CNTNAP2: variants seen among roughly 807,000 people sequenced by gnomAD.
CNTNAP2 encodes the protein contactin associated protein 2.
In CNTNAP2, 98 loss-of-function variants were observed where a neutral mutation model predicts 155.2. That is an observed-to-expected ratio of 0.63 (90% confidence interval 0.54 to 0.75). The LOEUF (loss-of-function observed/expected upper bound fraction) is 0.75. CNTNAP2 is among the 30% of genes least tolerant of loss of function. The pLI is 0.00. For missense variants in CNTNAP2, 1,727 were observed against 1,688.1 expected (o/e 1.02, Z -0.40); for synonymous variants, 651 against 631.2 (o/e 1.03, Z -0.47).
chr7:147,820,482 G>A (rs1257465699), intron 13 of CNTNAP2, among the ~76,000 whole-genome samples: 4 of 151,992 alleles, frequency 2.6e-5, no homozygotes, highest in Non-Finnish European at 5.9e-5. Context: ...TATTTTCTTA[G>A]TGGTAATATG....
At chr7:146,853,431 T>C (rs1226501698) in intron 3 of CNTNAP2, among the ~76,000 whole-genome samples, 1 of 152,170 alleles carries the variant, frequency 6.6e-6, no homozygotes, top group African/African-American at 2.4e-5. Context: ...ACACTAACTA[T>C]TAATCTCCCC....
At chr7:147,151,853 C>G (rs1801833705) in intron 8 of CNTNAP2, among the ~76,000 whole-genome samples, 1 of 152,080 alleles carries the variant, frequency 6.6e-6, no homozygotes, top group Admixed American at 6.5e-5. Context: ...CAGCACAGAG[C>G]TGGGAAGAGC....
At position 146,576,625 on chromosome 7, in the gene CNTNAP2, T is replaced by C. The variant is rs941091716; in HGVS notation, c.98-197646T>C. Reference sequence around the variant, plus strand: ...CACCGTTTTGTCACCTTTCCTCTGATACAAGTGCTGATCAAGTTGGTAAAC... The same window carrying C: ...CACCGTTTTGTCACCTTTCCTCTGACACAAGTGCTGATCAAGTTGGTAAAC... On this transcript the variant is annotated intron_variant, in intron 1 of 23. Transcript: ENST00000361727. Among the ~76,000 whole-genome samples, 4 of 152,172 alleles carry C rather than the reference T, an allele frequency of 2.6e-5. No individual in the cohort carries two copies. In the East Asian group the frequency reaches 7.7e-4, roughly 29 times the overall value.
Position 147,343,763 on chromosome 7 carries a change from T to C in CNTNAP2, c.1498+43473T>C, listed in dbSNP as rs549195430. Among the ~76,000 whole-genome samples, 4 of 152,252 alleles carry C rather than the reference T, an allele frequency of 2.6e-5. No individual in the cohort carries two copies. The South Asian group carries it at 6.2e-4, about 24-fold the overall frequency. ...TGGGTGACATGACATTTCATTAATT[T>C]CCATTCACCAGGTTAATTCTCTATT... On this transcript the variant is annotated intron_variant, in intron 9 of 23. Coordinates refer to ENST00000361727, the MANE Select transcript of CNTNAP2 (RefSeq NM_014141.6).
chr7:147,095,305 G>A (rs1325896244), intron 4 of CNTNAP2, among the ~76,000 whole-genome samples: 3 of 151,394 alleles, frequency 2.0e-5, no homozygotes, highest in Non-Finnish European at 4.4e-5. Context: ...CAAAGTGCTG[G>A]GATTTCAGGC....
chr7:146,881,414 C>T lies in CNTNAP2; in HGVS notation c.402+41510C>T, dbSNP rs547311783. Among the ~76,000 whole-genome samples, 8 of 152,156 alleles carry T rather than the reference C, an allele frequency of 5.3e-5. No homozygotes were observed. In the South Asian group the frequency reaches 1.2e-3, roughly 24 times the overall value. ...ATACAGTATCTTATGGAAACCCAGA[C>T]ATCATAAGAAGTCCTACTTACAAAA... On this transcript the variant is annotated intron_variant, in intron 3 of 23. Coordinates refer to ENST00000361727, the MANE Select transcript of CNTNAP2 (RefSeq NM_014141.6).
At chr7:147,415,678 A>G (rs1210921657) in intron 10 of CNTNAP2, among the ~76,000 whole-genome samples, 1 of 152,214 alleles carries the variant, frequency 6.6e-6, no homozygotes, top group Non-Finnish European at 1.5e-5. Flanking sequence ...AAAAAAATGG[A>G]CCAATACACC....
chr7:148,198,351 C>T (rs73744772), intron 18 of CNTNAP2, among the ~76,000 whole-genome samples: 9 of 152,304 alleles, frequency 5.9e-5, no homozygotes, highest in African/African-American at 1.7e-4. Context: ...AGGTTGATGG[C>T]GATTGTGACC....
intron 3 of CNTNAP2, among the ~76,000 whole-genome samples, chr7:146,978,280 G>GTGGT (rs1563029483): frequency 1.3e-5 from 2 of 152,120 alleles, no homozygotes; most frequent in African/African-American, 4.8e-5. Context: ...AAGTGATAAG[G>GTGGT]TGGTTCAGTG....
At chr7:146,232,881 G>A (rs1228532170) in intron 1 of CNTNAP2, among the ~76,000 whole-genome samples, 1 of 152,116 alleles carries the variant, frequency 6.6e-6, no homozygotes, top group East Asian at 1.9e-4. Context: ...GGATACAAGA[G>A]TGAATATGGA....
chr7:147,052,379 C>T (rs906576896), intron 4 of CNTNAP2, among the ~76,000 whole-genome samples: 1 of 152,078 alleles, frequency 6.6e-6, no homozygotes, highest in Non-Finnish European at 1.5e-5. Flanking sequence ...AATGAACTGA[C>T]ATCAAATGTA....
At chr7:147,345,165 C>A (rs1390924239) in intron 9 of CNTNAP2, among the ~76,000 whole-genome samples, 1 of 152,010 alleles carries the variant, frequency 6.6e-6, no homozygotes, top group Non-Finnish European at 1.5e-5. Flanking sequence ...CATATTTACG[C>A]TGAATTATAA....
At chr7:148,353,377 A>T (rs1798461180) in intron 21 of CNTNAP2, among the ~76,000 whole-genome samples, 1 of 152,230 alleles carries the variant, frequency 6.6e-6, no homozygotes, top group Non-Finnish European at 1.5e-5. Context: ...ATTCCCCCCA[A>T]AACCTGGAAC....
chr7:147,388,651 G>A (rs1262822667), intron 9 of CNTNAP2, among the ~76,000 whole-genome samples: 1 of 151,842 alleles, frequency 6.6e-6, no homozygotes, highest in East Asian at 1.9e-4. Flanking sequence ...CGCAATCTTG[G>A]CTCACTGCAA....
intron 16 of CNTNAP2, among the ~76,000 whole-genome samples, chr7:148,123,369 C>T (rs1353028577): frequency 6.6e-6 from 1 of 152,142 alleles, no homozygotes; most frequent in Non-Finnish European, 1.5e-5. Context: ...GGGAGTATCA[C>T]TTGAGCCCAA....
At chr7:147,456,244 T>C (rs968283650) in intron 10 of CNTNAP2, among the ~76,000 whole-genome samples, 1 of 152,044 alleles carries the variant, frequency 6.6e-6, no homozygotes, top group Non-Finnish European at 1.5e-5. Context: ...ATATTGGAGA[T>C]CTATGACAAA....
At position 147,476,897 on chromosome 7, in the gene CNTNAP2, C is replaced by T. The variant is rs556655738; in HGVS notation, c.1671-9038C>T. 1.6e-3 allele frequency among the ~76,000 whole-genome samples: 240 copies of T among 149,364 alleles called. 2 individuals carry two copies. The highest frequency in any genetic ancestry group is 2.6e-3 in the African/African-American group (103 of 40,324). The stretch of plus-strand genomic sequence containing the variant: ...GAGCTGAGATCATCCCACTGCTCTC[C>T]GGCCTGGGTGACAGAGCGAGACTCT... On this transcript the variant is annotated intron_variant, in intron 10 of 23. Transcript: ENST00000361727.
chr7:146,639,862 T>G (rs1218687857), intron 1 of CNTNAP2, among the ~76,000 whole-genome samples: 1 of 152,224 alleles, frequency 6.6e-6, no homozygotes, highest in African/African-American at 2.4e-5. Context: ...AGCTAAGAAG[T>G]GGCAGAGTCC....
At chr7:146,572,767 C>T (rs1306987360) in intron 1 of CNTNAP2, among the ~76,000 whole-genome samples, 1 of 138,488 alleles carries the variant, frequency 7.2e-6, no homozygotes, top group African/African-American at 2.6e-5. Context: ...TGTTGAATTC[C>T]CCAAGATATA....
Sources: allele counts gnomAD v4.1 joint callset (sites outside exome capture counted in the v4.1 genomes callset), GRCh38; gene constraint gnomAD v4.1.1; transcripts MANE v1.5; gene names NCBI Gene and HGNC (gene_info 2026-07-23, HGNC 2026-07-21).